AFF3: variants seen among roughly 807,000 people sequenced by gnomAD.
AFF3 encodes the protein AF4/FMR2 family member 3.
AFF3 carries 32 observed loss-of-function variants against 129.7 expected under a neutral mutation model. The observed-to-expected ratio is 0.25, with a 90% CI of 0.19 to 0.33. AFF3 has a LOEUF of 0.33. Among genes scored for constraint, AFF3 ranks in the 10% least tolerant of loss-of-function variants. AFF3 has a pLI of 1.00. For synonymous variants in AFF3, 644 were observed against 635.4 expected, an observed-to-expected ratio of 1.01 and a Z score of -0.20; for missense variants, 1,373 against 1,592.0, an observed-to-expected ratio of 0.86 and a Z score of 2.34.
rs1381775132 is a variant in AFF3, at chr2:99,752,233, T to A, written c.990A>T (p.Pro330=). Residue 330 remains proline, a synonymous_variant, in exon 9 of 25, where the codon CCA becomes CCT. Coordinates refer to ENST00000672756, the MANE Select transcript of AFF3 (RefSeq NM_001386135.1). ...APGKVEPTKF[P]FPNKDSQLVS... Reference sequence around the variant, plus strand: ...TGCAAGATCTCACCTTATTTGGAAATGGAAATTTGGTTGGTTCCACTTTGC... The same window carrying A: ...TGCAAGATCTCACCTTATTTGGAAAAGGAAATTTGGTTGGTTCCACTTTGC... The A allele has an allele frequency of 6.2e-7, 1 of 1,613,192 alleles. No individual in the cohort carries two copies. Among genetic ancestry groups the A allele is most frequent in the South Asian group, 1.1e-5 (1 of 91,058 alleles).
At chr2:99,913,230 TAGC>T (rs1400952522) in intron 7 of AFF3, among the ~76,000 whole-genome samples, 4 of 152,386 alleles carry the variant, frequency 2.6e-5, no homozygotes, top group African/African-American at 9.6e-5. Context: ...GAATTCTAGA[TAGC>T]AGCCTTGATT....
intron 13 of AFF3, among the ~76,000 whole-genome samples, chr2:99,629,297 C>T (rs576203396): frequency 6.6e-6 from 1 of 152,292 alleles, no homozygotes; most frequent in South Asian, 2.1e-4. Flanking sequence ...CCCTGAGTGA[C>T]TTTTGTCAGT....
At chr2:99,709,755 A>G (rs1483950119) in intron 11 of AFF3, among the ~76,000 whole-genome samples, 1 of 151,982 alleles carries the variant, frequency 6.6e-6, no homozygotes, top group Non-Finnish European at 1.5e-5. Flanking sequence ...TATTCTATTT[A>G]CTCCCAGAAA....
At chr2:99,706,988 A>T in intron 11 of AFF3, 1 of 598,036 alleles carries the variant, frequency 1.7e-6, no homozygotes, top group Non-Finnish European at 2.1e-6. Flanking sequence ...TTTATAGGAC[A>T]TTCACATTTG....
intron 8 of AFF3, among the ~76,000 whole-genome samples, chr2:99,782,773 T>C (rs1266205356): frequency 6.6e-6 from 1 of 152,224 alleles, no homozygotes; most frequent in Non-Finnish European, 1.5e-5. Flanking sequence ...GCAGGTAACA[T>C]TAGTGTTCTA....
At chr2:99,765,681 A>G (rs1360536803) in intron 8 of AFF3, among the ~76,000 whole-genome samples, 1 of 152,200 alleles carries the variant, frequency 6.6e-6, no homozygotes, top group Non-Finnish European at 1.5e-5. Flanking sequence ...TACCTTTATA[A>G]CTAGTGTTGA....
intron 7 of AFF3, among the ~76,000 whole-genome samples, chr2:99,854,955 T>A (rs1009347043): frequency 6.6e-6 from 1 of 152,318 alleles, no homozygotes; most frequent in African/African-American, 2.4e-5. Context: ...TGCAAATAGA[T>A]GAACCTTGAA....
At chr2:99,761,743 A>G (rs1682614926) in intron 8 of AFF3, among the ~76,000 whole-genome samples, 1 of 152,224 alleles carries the variant, frequency 6.6e-6, no homozygotes, top group Admixed American at 6.5e-5. Flanking sequence ...AAGTGAGGAG[A>G]AAAACACTTT....
intron 2 of AFF3, chr2:100,107,328 C>G (rs1363914559): frequency 1.0e-6 from 1 of 985,194 alleles, no homozygotes; most frequent in African/African-American, 1.7e-5. Flanking sequence ...CTATTATCCT[C>G]CAGCCTCTGG....
At chr2:100,121,593 C>G (rs1171887710) in intron 2 of AFF3, among the ~76,000 whole-genome samples, 1 of 152,190 alleles carries the variant, frequency 6.6e-6, no homozygotes, top group Non-Finnish European at 1.5e-5. Context: ...AGCTTTTCAG[C>G]TGAATCTTAA....
chr2:99,891,643 C>T (rs10165701), intron 7 of AFF3, among the ~76,000 whole-genome samples: 2,696 of 152,198 alleles, frequency 0.018, 68 homozygotes, highest in African/African-American at 0.057. Flanking sequence ...GGATGTTTCA[C>T]CCAACACCAA....
intron 4 of AFF3, among the ~76,000 whole-genome samples, chr2:100,055,779 C>G (rs1686719878): frequency 6.6e-6 from 1 of 152,194 alleles, no homozygotes; most frequent in Admixed American, 6.5e-5. Flanking sequence ...ATGGGCACAA[C>G]TGTGTTCCAA....
chr2:99,695,897 A>C (rs1676169605), intron 11 of AFF3, among the ~76,000 whole-genome samples: 1 of 140,544 alleles, frequency 7.1e-6, no homozygotes, highest in Non-Finnish European at 1.5e-5. Flanking sequence ...CTAGCCAGAG[A>C]GCTCTCTAGA....
intron 7 of AFF3, among the ~76,000 whole-genome samples, chr2:99,974,393 A>G (rs1179918624): frequency 6.6e-6 from 1 of 152,246 alleles, no homozygotes; most frequent in Non-Finnish European, 1.5e-5. Context: ...AGTGTACTCA[A>G]GCACAAAAGT....
intron 11 of AFF3, among the ~76,000 whole-genome samples, chr2:99,715,712 C>A (rs72817062): frequency 0.48 from 72,270 of 149,976 alleles, 17,599 homozygotes; most frequent in East Asian, 0.66. Flanking sequence ...CACTGTGTCA[C>A]CCAGGCTGGA....
At chr2:99,950,696 A>C (rs796734147) in intron 7 of AFF3, among the ~76,000 whole-genome samples, 10 of 152,334 alleles carry the variant, frequency 6.6e-5, no homozygotes, top group African/African-American at 2.4e-4. Flanking sequence ...TTATGCATCC[A>C]TTTAGCAAAT....
At chr2:100,126,648 A>G (rs912952350) in intron 2 of AFF3, among the ~76,000 whole-genome samples, 6 of 152,212 alleles carry the variant, frequency 3.9e-5, no homozygotes, top group Non-Finnish European at 7.3e-5. Context: ...AATCTTTAAT[A>G]CTTGTCATAA....
intron 7 of AFF3, among the ~76,000 whole-genome samples, chr2:99,987,689 C>G (rs1218139868): frequency 6.6e-6 from 1 of 152,198 alleles, no homozygotes; most frequent in Non-Finnish European, 1.5e-5. Flanking sequence ...TGTACACTCT[C>G]CTACCTATCA....
chr2:100,057,231 G>C (rs527257032), intron 4 of AFF3, among the ~76,000 whole-genome samples: 21 of 143,420 alleles, frequency 1.5e-4, no homozygotes, highest in African/African-American at 4.9e-4. Context: ...TGAGGCAGGA[G>C]AATCACTGGA....
Sources: gnomAD v4.1 joint callset for allele counts (sites outside exome capture counted in the v4.1 genomes callset) on GRCh38, gnomAD v4.1.1 for gene constraint, MANE v1.5 for transcripts, NCBI Gene and HGNC (gene_info 2026-07-23, HGNC 2026-07-21) for gene names.